The following CCDC32 variants were observed in gnomAD, a reference collection of about 807,000 sequenced individuals.
CCDC32 encodes the protein coiled-coil domain containing 32.
CCDC32 carries 9 observed loss-of-function variants against 20.1 expected under a neutral mutation model. That is an observed-to-expected ratio of 0.45 (90% CI 0.27 to 0.78). The LOEUF is 0.78. CCDC32 is among the 30% of genes least tolerant of loss of function. The pLI, the probability that CCDC32 is intolerant of heterozygous loss-of-function variation, is 0.16. For missense variants in CCDC32, 204 were observed against 215.5 expected (o/e 0.95, Z 0.33); for synonymous variants, 63 against 79.0 (o/e 0.80, Z 1.07).
intron 2 of CCDC32, 100 bp from the exon 3 acceptor site, chr15:40,557,472 T>C: frequency 1.6e-6 from 2 of 1,276,066 alleles, no homozygotes; most frequent in Non-Finnish European, 2.1e-6. Context: ...CTCTCACCGA[T>C]GAGGACATCC....
At position 40,554,049 on chromosome 15, in the gene CCDC32, A is replaced by T; in HGVS notation, c.480T>A (p.Pro160=). The stretch of plus-strand genomic sequence containing the variant: ...CTGGCTTCTCAACCTGTGACTCTGG[A>T]GGAATCAGATACTGGACCTCCTCTG... ...VSTEEVQYLI[P]PESQVEKPVA... is the part of the protein sequence containing the mutation. Residue 160 remains proline (P), a synonymous_variant, in exon 4 of 4, where the codon CCT becomes CCA. Coordinates refer to ENST00000416810, the MANE Select transcript of CCDC32 (RefSeq NM_001080792.4). 2 of 1,613,426 alleles carry T rather than the reference A, an allele frequency of 1.2e-6. No homozygotes were observed. The highest frequency in any genetic ancestry group is 1.7e-6 in the Non-Finnish European group (2 of 1,179,904).
chr15:40,533,964 G>A (rs1888999442), downstream of CCDC32, among the ~76,000 whole-genome samples: 1 of 152,148 alleles, frequency 6.6e-6, no homozygotes, highest in Non-Finnish European at 1.5e-5. Context: ...TCCCAAGAGG[G>A]GCTGGTGAAA....
intron 3 of CCDC32, chr15:40,556,837 C>CAAA (rs10647113): frequency 0.22 from 24,226 of 110,750 alleles, 3,032 homozygotes; most frequent in East Asian, 0.61. Flanking sequence ...GATTCCATCT[C>CAAA]AAAAAAAAAA....
intron 1 of CCDC32, among the ~76,000 whole-genome samples, chr15:40,563,450 T>C (rs1488817166): frequency 1.3e-5 from 2 of 152,140 alleles, no homozygotes; most frequent in Non-Finnish European, 2.9e-5. Context: ...TTATATAAGG[T>C]ACCTGAGTAG....
chr15:40,556,961 G>C (rs762803559), intron 3 of CCDC32: 5 of 349,568 alleles, frequency 1.4e-5, no homozygotes, highest in Non-Finnish European at 2.5e-5. Flanking sequence ...CAGTAACATG[G>C]TTTCCAAACC....
At chr15:40,527,928 CA>C (rs1894919692), downstream of CCDC32, among the ~76,000 whole-genome samples, 1 of 152,140 alleles carries the variant, frequency 6.6e-6, no homozygotes, top group South Asian at 2.1e-4. Context: ...ACTAAGATAC[CA>C]GGTATCAAGA....
intron 3 of CCDC32, among the ~76,000 whole-genome samples, chr15:40,555,559 C>T (rs1890179559): frequency 1.3e-5 from 2 of 152,060 alleles, no homozygotes; most frequent in Admixed American, 6.6e-5. Context: ...TAGGTTGGAC[C>T]TTTAGAGATA....
rs1890301234 is a variant in CCDC32 at position 40,557,205 on chromosome 15, G to A, written c.401+11C>T. 6.2e-7 allele frequency: 1 copy of A among 1,603,248 alleles called. No homozygotes were observed. Among genetic ancestry groups the A allele is most frequent in the Non-Finnish European group, 8.5e-7 (1 of 1,176,286 alleles). ...ATGATTTCAGCTGGAACTAGACGGG[G>A]AATCGATTACCTCTCATCAGAATCA... On this transcript the variant is annotated intron_variant, in intron 3 of 3. Transcript: ENST00000416810.
At chr15:40,556,090 A>T (rs12915563) in intron 3 of CCDC32, among the ~76,000 whole-genome samples, 38,349 of 152,136 alleles carry the variant, frequency 0.25, 5,925 homozygotes, top group Middle Eastern at 0.37. Flanking sequence ...TGAGGCACAC[A>T]TAGGTTACTT....
Position 40,562,705 on chromosome 15 carries a change from A to G in CCDC32, c.244+67T>C, listed in dbSNP as rs138790573. 33 of 1,530,870 alleles carry G rather than the reference A, an allele frequency of 2.2e-5. No individual in the cohort carries two copies. The African/African-American group carries it at 3.9e-4, about 18-fold the overall frequency. 94.8% of individuals were successfully genotyped at this position (1,530,870 alleles called of 1,614,324 possible). A position where few individuals can be genotyped will look rare whatever the true frequency, so the allele number is the denominator to read the frequency against. ...GTGTGACAGGAATAACAACAACACA[A>G]AAGAATAGGAAACCAAGTTTGATGT... On this transcript the variant is annotated intron_variant, in intron 2 of 3. Coordinates refer to ENST00000416810, the MANE Select transcript of CCDC32 (RefSeq NM_001080792.4).
chr15:40,533,946 G>C (rs952498866), downstream of CCDC32, among the ~76,000 whole-genome samples: 1 of 152,128 alleles, frequency 6.6e-6, no homozygotes, highest in Non-Finnish European at 1.5e-5. Context: ...GCATTAGAAG[G>C]GCTAAGATCC....
intron 2 of CCDC32, chr15:40,557,597 G>A (rs1314216782): frequency 1.7e-5 from 7 of 422,780 alleles, no homozygotes; most frequent in South Asian, 8.0e-5. Context: ...TGTTTAACCC[G>A]AGAAAAGGGA....
At chr15:40,525,467 A>G (rs1894889848), downstream of CCDC32, among the ~76,000 whole-genome samples, 1 of 152,066 alleles carries the variant, frequency 6.6e-6, no homozygotes, top group Non-Finnish European at 1.5e-5. Context: ...ATGGCTGAGC[A>G]CTCTTCCTCT....
In CCDC32 at chr15:40,564,996, C is replaced by A; in HGVS notation, c.-33G>T. Reference sequence around the variant, plus strand: ...CTTACCGTAACAGCTGCCCAGTAAACGCTTGGCTCAGCTCTGTCGCCTGTA... The same window carrying A: ...CTTACCGTAACAGCTGCCCAGTAAAAGCTTGGCTCAGCTCTGTCGCCTGTA... On this transcript the variant is annotated 5_prime_UTR_variant, in exon 1 of 4. Coordinates refer to ENST00000416810, the MANE Select transcript of CCDC32 (RefSeq NM_001080792.4). 1.7e-6 allele frequency: 1 copy of A among 599,010 alleles called. No individual in the cohort carries two copies. Among genetic ancestry groups the A allele is most frequent in the Non-Finnish European group, 3.0e-6 (1 of 338,412 alleles). 37.1% of individuals were successfully genotyped at this position (599,010 alleles called of 1,614,324 possible).
At chr15:40,563,706 AC>A (rs869216023) in intron 1 of CCDC32, among the ~76,000 whole-genome samples, 14 of 86,626 alleles carry the variant, frequency 1.6e-4, no homozygotes, top group Admixed American at 1.4e-3. Context: ...ACACACACAC[AC>A]AAATCTGTAG....
At chr15:40,529,223 G>T (rs1430199193) in intron 3 of CCDC32, among the ~76,000 whole-genome samples, 1 of 152,240 alleles carries the variant, frequency 6.6e-6, no homozygotes, top group Admixed American at 6.5e-5. Context: ...CACTGGAGTG[G>T]TGGTTTGCCG....
chr15:40,521,134 C>G, the CCDC32 span, among the ~76,000 whole-genome samples: 8 of 152,244 alleles, frequency 5.3e-5, 1 homozygote, highest in East Asian at 1.5e-3. Context: ...GTGGCACAGT[C>G]AGAAGAAACT....
At position 40,565,038 on chromosome 15, in the gene CCDC32, G is replaced by A. The variant is rs911702230; in HGVS notation, c.-75C>T. 5 of 559,046 alleles carry A rather than the reference G, an allele frequency of 8.9e-6. No individual in the cohort carries two copies. The highest frequency in any genetic ancestry group is 2.8e-5 in the East Asian group (1 of 35,252). The allele number at this position is 559,046 out of a possible 1,614,324, so 34.6% of individuals were successfully genotyped here. The stretch of plus-strand genomic sequence containing the variant: ...TCGCCTGTAGCCCGGAGGAAATCGG[G>A]AGGGGCGGAGTCCCCTAGTGACGGA... On this transcript the variant is annotated 5_prime_UTR_variant, in exon 1 of 4. Transcript: ENST00000416810.
chr15:40,527,077 A>G (rs1398483470), downstream of CCDC32, among the ~76,000 whole-genome samples: 2 of 151,970 alleles, frequency 1.3e-5, no homozygotes, highest in Non-Finnish European at 2.9e-5. Flanking sequence ...CAGCCTTCCA[A>G]GTAGCTGGGA....
Sources: gnomAD v4.1 joint callset for allele counts (sites outside exome capture counted in the v4.1 genomes callset) on GRCh38, gnomAD v4.1.1 for gene constraint, MANE v1.5 for transcripts, NCBI Gene and HGNC (gene_info 2026-07-23, HGNC 2026-07-21) for gene names.